AVEN: variants seen among roughly 807,000 people sequenced by gnomAD.
The protein encoded by AVEN is cell death regulator Aven.
In AVEN, 41 loss-of-function variants were observed where a neutral mutation model predicts 38.1. That is an observed-to-expected ratio of 1.08 (90% CI 0.84 to 1.40). The LOEUF is 1.40. Among genes scored for constraint, AVEN ranks in the 40% most tolerant of loss-of-function variants. The probability of loss-of-function intolerance (pLI) is 0.00; values close to 1 mark genes in which losing one functional copy is unlikely to be tolerated. For synonymous variants in AVEN, 206 were observed against 171.8 expected, an observed-to-expected ratio of 1.20 and a Z score of -1.56; for missense variants, 605 against 438.8, an observed-to-expected ratio of 1.38 and a Z score of -3.38.
intron 2 of AVEN, 135 bp downstream of exon 2, chr15:34,002,897 G>A (rs1567460190): frequency 1.2e-6 from 1 of 838,876 alleles, no homozygotes; most frequent in Non-Finnish European, 1.8e-6. Context: ...TAGAAACACT[G>A]TCCTTTACTT....
intron 1 of AVEN, among the ~76,000 whole-genome samples, chr15:34,024,294 AT>A (rs1898339695): frequency 6.6e-6 from 1 of 152,260 alleles, no homozygotes; most frequent in African/African-American, 2.4e-5. Context: ...TCAGGTAGTG[AT>A]AAATGGTATC....
intron 11 of AVEN, among the ~76,000 whole-genome samples, chr15:33,859,373 TCTTTCCATCTTTGTAGATATCAAA>T (rs1335271474): frequency 6.6e-6 from 1 of 152,222 alleles, no homozygotes; most frequent in Non-Finnish European, 1.5e-5. Flanking sequence ...GTAACGACAG[TCTTTCCATCTTTGTAGATATCAAA>T]CTGTCCAGAG....
chr15:34,063,380 G>A lies in AVEN; in HGVS notation n.1179C>T, dbSNP rs1243434641. On this transcript the variant is annotated non_coding_transcript_exon_variant, in exon 5 of 12. Transcript: ENST00000675287. This position sits in a 1 kb window ranked among gnomAD's most constrained non-coding sequence, Gnocchi z 4.1. The stretch of plus-strand genomic sequence containing the variant: ...ACTGTCGAATCTACCGGGAAACAGA[G>A]AAGCGAACCAAGGACCTGGCTGACC... 1.9e-6 allele frequency: 3 copies of A among 1,614,084 alleles called. No homozygotes were observed. Among genetic ancestry groups the A allele is most frequent in the Admixed American group, 3.3e-5 (2 of 60,020 alleles).
At chr15:34,062,434 G>A (rs34571863) in intron 5 of AVEN, among the ~76,000 whole-genome samples, 41,857 of 151,138 alleles carry the variant, frequency 0.28, 7,709 homozygotes, top group African/African-American at 0.5. Flanking sequence ...GGGAGCCTGT[G>A]ATCCCAGCTA....
chr15:33,875,689 C>T (rs1891194361), intron 3 of AVEN, among the ~76,000 whole-genome samples: 1 of 152,134 alleles, frequency 6.6e-6, no homozygotes, highest in South Asian at 2.1e-4. Flanking sequence ...TACCTCGAGA[C>T]CCCGTCCATG....
rs2023291 is a variant in AVEN at position 33,933,524 on chromosome 15, C to G, written c.446-57529G>C. ...ACACACACACACACACACACACACA[C>G]AGAGAGAGAGAGAGAGAGAGAGAGA... On this transcript the variant is annotated intron_variant, in intron 2 of 5. Coordinates refer to ENST00000306730, the MANE Select transcript of AVEN (RefSeq NM_020371.3). Among the ~76,000 whole-genome samples, 214 of 46,578 alleles carry G rather than the reference C, an allele frequency of 4.6e-3. 1 individual carries two copies. Among genetic ancestry groups the G allele is most frequent in the Middle Eastern group, 0.013 (1 of 80 alleles). 30.6% of individuals were successfully genotyped at this position (46,578 alleles called of 152,430 possible).
intron 2 of AVEN, among the ~76,000 whole-genome samples, chr15:33,918,187 C>T (rs1317110236): frequency 6.6e-6 from 1 of 152,094 alleles, no homozygotes; most frequent in East Asian, 1.9e-4. Flanking sequence ...AGCAGATTCT[C>T]ATACGTATCT....
intron 2 of AVEN, among the ~76,000 whole-genome samples, chr15:34,070,580 ATGG>A (rs1900606536): frequency 6.6e-6 from 1 of 152,080 alleles, no homozygotes; most frequent in Middle Eastern, 3.2e-3. Flanking sequence ...CTATGCATAA[ATGG>A]GTACCTTTAT....
intron 2 of AVEN, among the ~76,000 whole-genome samples, chr15:33,983,186 GTGTGTA>G (rs777569597): frequency 4.4e-4 from 33 of 74,450 alleles, no homozygotes; most frequent in Middle Eastern, 7.2e-3. Context: ...ATACACACGT[GTGTGTA>G]TGTGTGTGTA....
rs1216616579 is a variant in AVEN at position 34,073,478 on chromosome 15, G to A, written n.720+958C>T. On this transcript the variant is annotated intron_variant and non_coding_transcript_variant, in intron 1 of 11. Transcript: ENST00000675287. ...AAAAACAAAAAAATCATAAGGCTTC[G>A]AGTAACATAGGGAGCTCTTTTTTCT... Among the ~76,000 whole-genome samples the A allele has an allele frequency of 4.7e-5, 7 of 150,230 alleles. No individual in the cohort carries two copies. The East Asian group carries it at 1.4e-3, about 30-fold the overall frequency.
intron 3 of AVEN, among the ~76,000 whole-genome samples, chr15:33,873,705 T>C (rs562402018): frequency 1.5e-4 from 23 of 152,022 alleles, no homozygotes; most frequent in African/African-American, 5.5e-4. Context: ...TGAATTCAGT[T>C]TCAGCCATGT....
intron 2 of AVEN, among the ~76,000 whole-genome samples, chr15:33,958,131 TAA>T (rs1895025658): frequency 6.6e-6 from 1 of 152,206 alleles, no homozygotes; most frequent in African/African-American, 2.4e-5. Flanking sequence ...ATCAAACTGT[TAA>T]GATTTGAGCA....
chr15:33,885,883 T>A lies in AVEN; in HGVS notation c.446-9888A>T, dbSNP rs1891679144. 2.6e-5 allele frequency: 4 copies of A among 152,214 alleles called. No homozygotes were observed. The South Asian group carries it at 8.3e-4, about 31-fold the overall frequency. 9.4% of individuals were successfully genotyped at this position (152,214 alleles called of 1,614,324 possible). ...ATTCTGTTAACCCTGTACCACTGTATATGACCTAGTAAAAATTGTCAGATC... is the reference window on the plus strand; with the variant it reads ...ATTCTGTTAACCCTGTACCACTGTAAATGACCTAGTAAAAATTGTCAGATC... On this transcript the variant is annotated intron_variant, in intron 2 of 5. Coordinates refer to ENST00000306730, the MANE Select transcript of AVEN (RefSeq NM_020371.3).
Position 34,038,976 on chromosome 15 carries a change from C to G in AVEN, c.71G>C (p.Arg24Pro). Residue 24 changes from arginine to proline, a missense_variant, in exon 1 of 6, where the codon CGC (arginine) becomes CCC (proline). Arg to Pro is a moderately radical substitution (Grantham distance 103). Coordinates refer to ENST00000306730, the MANE Select transcript of AVEN (RefSeq NM_020371.3). The stretch of plus-strand genomic sequence containing the variant: ...TGCGGCTCCGGGCCGCTCGCTGTGG[C>G]GATCTCCGCCAGGCCGGCCGCGGCC... ...RPGRGRPGGD[R>P]HSERPGAAAA... 1 of 1,112,498 alleles carries G rather than the reference C, an allele frequency of 9.0e-7. No homozygotes were observed. Among genetic ancestry groups the G allele is most frequent in the Non-Finnish European group, 1.1e-6 (1 of 914,698 alleles). The allele number at this position is 1,112,498 out of a possible 1,614,324, so 68.9% of individuals were successfully genotyped here.
rs530669371 is a variant in AVEN, at chr15:33,960,420, C to CGTGT, written c.445+42608_445+42611dup. On this transcript the variant is annotated intron_variant, in intron 2 of 5. Coordinates refer to ENST00000306730, the MANE Select transcript of AVEN (RefSeq NM_020371.3). ...AAAATGAGGAAGAGAGTCTGTGTCT[C>CGTGT]GTGTGTGTGTGTGTTGTGTGTGTGA... Among the ~76,000 whole-genome samples the CGTGT allele has an allele frequency of 6.0e-3, 857 of 143,262 alleles. 5 individuals carry two copies. The highest frequency in any genetic ancestry group is 0.023 in the African/African-American group (819 of 35,354). The allele number at this position is 143,262 out of a possible 152,430, so 94.0% of individuals were successfully genotyped here.
chr15:33,899,547 G>T (rs57396143), intron 2 of AVEN, among the ~76,000 whole-genome samples: 27 of 132,394 alleles, frequency 2.0e-4, no homozygotes, highest in Non-Finnish European at 3.9e-4. Context: ...TCAGCTCACC[G>T]CAACCTCCGC....
intron 2 of AVEN, among the ~76,000 whole-genome samples, chr15:33,962,306 A>G (rs759300344): frequency 4.6e-5 from 7 of 152,188 alleles, no homozygotes; most frequent in Admixed American, 2.6e-4. Context: ...CCAGATCCAC[A>G]GCCCATCTTG....
intron 1 of AVEN, among the ~76,000 whole-genome samples, chr15:34,013,797 AG>A (rs991461622): frequency 2.6e-5 from 4 of 152,226 alleles, no homozygotes; most frequent in African/African-American, 9.6e-5. Flanking sequence ...AGTGGGAAGC[AG>A]GAGGATGACA....
At position 33,874,965 on chromosome 15, in the gene AVEN, A is replaced by G. The variant is rs76133121; in HGVS notation, c.516+960T>C. ...GGCGTAGGCCCAGACTTAAGCAAAG[A>G]CAAATATTTGTAATTCTCACCTTTT... On this transcript the variant is annotated intron_variant, in intron 3 of 5. Coordinates refer to ENST00000306730, the MANE Select transcript of AVEN (RefSeq NM_020371.3). Among the ~76,000 whole-genome samples, 99 of 152,348 alleles carry G rather than the reference A, an allele frequency of 6.5e-4. No individual in the cohort carries two copies. In the East Asian group the frequency reaches 0.018, roughly 27 times the overall value.
Sources: allele counts gnomAD v4.1 joint callset (sites outside exome capture counted in the v4.1 genomes callset), GRCh38; gene constraint gnomAD v4.1.1; non-coding constraint Gnocchi (gnomAD v3.1); transcripts MANE v1.5; gene names NCBI Gene and HGNC (gene_info 2026-07-23, HGNC 2026-07-21).